NUMB: variants seen among roughly 807,000 people sequenced by gnomAD.
NUMB encodes protein numb homolog.
A neutral mutation model predicts 59.7 loss-of-function variants in NUMB; 29 were observed. The observed-to-expected ratio is 0.49, with a 90% CI of 0.36 to 0.66. The LOEUF (loss-of-function observed/expected upper bound fraction) is 0.66, where lower values mean the gene tolerates loss of function less well. NUMB is among the 30% of genes least tolerant of loss of function. The pLI is 0.00. For missense variants in NUMB, 723 were observed against 822.0 expected, an observed-to-expected ratio of 0.88 and a Z score of 1.47; for synonymous variants, 288 against 288.2, an observed-to-expected ratio of 1.00 and a Z score of 0.01.
intron 5 of NUMB, among the ~76,000 whole-genome samples, chr14:73,318,320 TAAAA>T (rs1221646626): frequency 1.3e-5 from 2 of 152,222 alleles, no homozygotes; most frequent in African/African-American, 4.8e-5. Flanking sequence ...GCAAAATGCA[TAAAA>T]AGACAGTTAT....
In NUMB at chr14:73,280,395, GT is replaced by G. The variant is rs35066653; in HGVS notation, c.1097-972del. ...CAATTAATTTCAACTTTTTTTGAAG[GT>G]TTTTTTTTTTTAACTCTCCTGGTAA... On this transcript the variant is annotated intron_variant, in intron 11 of 12. Transcript: ENST00000555238. 1.0e-3 allele frequency among the ~76,000 whole-genome samples: 145 copies of G among 143,664 alleles called. No individual in the cohort carries two copies. In the Middle Eastern group the frequency reaches 0.011, roughly 11 times the overall value. 94.2% of individuals were successfully genotyped at this position (143,664 alleles called of 152,430 possible). A position where few individuals can be genotyped will look rare whatever the true frequency, so the allele number is the denominator to read the frequency against.
chr14:73,292,199 C>G (rs1889449625), intron 8 of NUMB, among the ~76,000 whole-genome samples: 1 of 152,130 alleles, frequency 6.6e-6, no homozygotes, highest in African/African-American at 2.4e-5. Context: ...ATGCATGTGC[C>G]ACCATGCCTG....
intron 2 of NUMB, among the ~76,000 whole-genome samples, chr14:73,402,646 T>C (rs1435982603): frequency 1.3e-5 from 2 of 152,184 alleles, no homozygotes; most frequent in African/African-American, 2.4e-5. Context: ...ATTAGGTACT[T>C]TACATAAATT....
intron 1 of NUMB, among the ~76,000 whole-genome samples, chr14:73,423,696 G>A (rs1187665056): frequency 6.6e-6 from 1 of 151,838 alleles, no homozygotes; most frequent in Non-Finnish European, 1.5e-5. Flanking sequence ...TGTAATCCAA[G>A]CTACTTGGGA....
At chr14:73,289,402 AT>A (rs1449952327) in intron 8 of NUMB, among the ~76,000 whole-genome samples, 1 of 152,222 alleles carries the variant, frequency 6.6e-6, no homozygotes, top group Non-Finnish European at 1.5e-5. Context: ...ATTTTAGACC[AT>A]TTTGCTAATT....
chr14:73,348,406 C>T (rs771395586), intron 4 of NUMB, among the ~76,000 whole-genome samples: 57 of 152,172 alleles, frequency 3.7e-4, no homozygotes, highest in Non-Finnish European at 7.3e-4. Context: ...CAGAGGTCCC[C>T]AACACCAGGG....
At chr14:73,410,218 G>A (rs2108552) in intron 1 of NUMB, 150 bp from the exon 2 acceptor site, 1 of 152,014 alleles carries the variant, frequency 6.6e-6, no homozygotes, top group East Asian at 1.9e-4. Flanking sequence ...GAGTTGGCCT[G>A]TGCAATTCTT....
intron 1 of NUMB, among the ~76,000 whole-genome samples, chr14:73,417,077 G>A (rs536877323): frequency 1.6e-4 from 25 of 151,938 alleles, no homozygotes; most frequent in African/African-American, 4.6e-4. Context: ...CAGGATGGCC[G>A]AATTCCAGGC....
chr14:73,377,155 C>T (rs974638874), intron 2 of NUMB, among the ~76,000 whole-genome samples: 1 of 152,170 alleles, frequency 6.6e-6, no homozygotes, highest in African/African-American at 2.4e-5. Flanking sequence ...AGGATAACAT[C>T]TAGATGACTT....
At chr14:73,290,931 T>G (rs1026210877) in intron 8 of NUMB, among the ~76,000 whole-genome samples, 4 of 152,212 alleles carry the variant, frequency 2.6e-5, no homozygotes, top group African/African-American at 9.6e-5. Context: ...ATCATTGTCA[T>G]TTAAAAGAGA....
intron 1 of NUMB, among the ~76,000 whole-genome samples, chr14:73,438,421 A>G (rs1230480382): frequency 1.3e-5 from 2 of 152,100 alleles, no homozygotes; most frequent in Non-Finnish European, 2.9e-5. Flanking sequence ...ACTTGGGGTT[A>G]GGAGTTCAAG....
At chr14:73,300,641 T>C (rs1474531946) in intron 6 of NUMB, among the ~76,000 whole-genome samples, 1 of 152,170 alleles carries the variant, frequency 6.6e-6, no homozygotes, top group Non-Finnish European at 1.5e-5. Flanking sequence ...AATAATCTCA[T>C]ATACCTCATA....
intron 2 of NUMB, among the ~76,000 whole-genome samples, chr14:73,392,894 A>AT (rs1211006198): frequency 1.3e-5 from 2 of 148,986 alleles, no homozygotes; most frequent in Admixed American, 6.8e-5. Context: ...AGATTGGGGG[A>AT]TTTTTTTCTG....
chr14:73,458,268 T>A (rs944299785), intron 1 of NUMB: 2 of 152,888 alleles, frequency 1.3e-5, no homozygotes, highest in African/African-American at 4.8e-5. Context: ...GTAGCCTACC[T>A]TCCTCGGGAG....
At chr14:73,402,973 C>A (rs1256778776) in intron 2 of NUMB, among the ~76,000 whole-genome samples, 2 of 152,124 alleles carry the variant, frequency 1.3e-5, no homozygotes, top group Non-Finnish European at 2.9e-5. Flanking sequence ...ATAACTGTGA[C>A]AGATGTTAAC....
rs76853202 is a variant in NUMB, at chr14:73,307,420, G to C, written c.234+8970C>G. 7.6e-3 allele frequency among the ~76,000 whole-genome samples: 1,161 copies of C among 152,146 alleles called. 15 individuals are homozygous for C. The highest frequency in any genetic ancestry group is 0.026 in the African/African-American group (1,088 of 41,496). ...GTAAATGCCTGAGAATGGGGCTTTT[G>C]AGTGAAGGGAAAGAGATGAGGAAGT... is the stretch of plus-strand genomic sequence containing the variant. On this transcript the variant is annotated intron_variant, in intron 6 of 12. Coordinates refer to ENST00000555238, the MANE Select transcript of NUMB (RefSeq NM_001005743.2).
At position 73,292,865 on chromosome 14, in the gene NUMB, C is replaced by G; in HGVS notation, c.319G>C (p.Val107Leu). 2 of 1,614,138 alleles carry G rather than the reference C, an allele frequency of 1.2e-6. No individual in the cohort carries two copies. The highest frequency in any genetic ancestry group is 1.7e-6 in the Non-Finnish European group (2 of 1,180,018). Residue 107 changes from valine to leucine, a missense_variant, in exon 8 of 13, where the codon GTT becomes CTT. Val to Leu is a conservative substitution (Grantham distance 32). Around this residue, in one of 2 missense-constraint regions of NUMB, gnomAD observed 317 missense variants for 436.6 expected, o/e 0.73. Coordinates refer to ENST00000555238, the MANE Select transcript of NUMB (RefSeq NM_001005743.2). ...GAAACTTTCTCTATCGTCTGGTCAA[C>G]TATGAGGTCCTAGAAAATACGACAC... ...VVDEKTKDLIVDQTIEKVSFC... is the reference protein window; with the variant it reads ...VVDEKTKDLILDQTIEKVSFC...
chr14:73,295,132 A>G (rs1889695382), intron 7 of NUMB, among the ~76,000 whole-genome samples: 1 of 150,586 alleles, frequency 6.6e-6, no homozygotes, highest in South Asian at 2.1e-4. Context: ...GAGGTGGGAT[A>G]GCAAGGCAAT....
intron 1 of NUMB, among the ~76,000 whole-genome samples, chr14:73,427,772 T>C (rs1897652363): frequency 6.6e-6 from 1 of 152,188 alleles, no homozygotes; most frequent in South Asian, 2.1e-4. Flanking sequence ...CATCCCTCGG[T>C]ATTTATAAGA....
Sources: allele counts gnomAD v4.1 joint callset (sites outside exome capture counted in the v4.1 genomes callset), GRCh38; gene constraint gnomAD v4.1.1; regional missense constraint gnomAD v4.1.1; transcripts MANE v1.5; gene names NCBI Gene and HGNC (gene_info 2026-07-23, HGNC 2026-07-21).